DMPK: variants seen among roughly 807,000 people sequenced by gnomAD.
The protein encoded by DMPK is myotonin-protein kinase.
Under a neutral mutation model 70.3 loss-of-function variants are expected in DMPK, and 32 were observed. The observed-to-expected ratio is 0.46, with a 90% CI of 0.34 to 0.61. The LOEUF is 0.61. DMPK is among the 20% of genes least tolerant of loss of function. The pLI, the probability that DMPK is intolerant of heterozygous loss-of-function variation, is 0.01. For missense variants in DMPK, 899 were observed against 886.0 expected (o/e 1.01, Z -0.19); for synonymous variants, 469 against 390.9 (o/e 1.20, Z -2.36).
chr19:45,781,799 AG>A (rs1970136012), intron 1 of DMPK, among the ~76,000 whole-genome samples: 1 of 152,168 alleles, frequency 6.6e-6, no homozygotes, highest in African/African-American at 2.4e-5. Context: ...CCCAGGCCAC[AG>A]GAAACCAGGG....
chr19:45,778,431 T>C, intron 5 of DMPK, 62 bp downstream of exon 5: 8 of 1,587,478 alleles, frequency 5.0e-6, no homozygotes, highest in Non-Finnish European at 6.9e-6. Flanking sequence ...CTCTGGGCTC[T>C]GACCTTCCAA....
chr19:45,771,948 T>G lies in DMPK; in HGVS notation c.1345-20A>C, dbSNP rs372615381. 4 of 1,554,360 alleles carry G rather than the reference T, an allele frequency of 2.6e-6. No homozygotes were observed. Among genetic ancestry groups the G allele is most frequent in the Non-Finnish European group, 8.7e-7 (1 of 1,146,826 alleles). On this transcript the variant is annotated intron_variant, in intron 10 of 14. Coordinates refer to ENST00000291270, the MANE Select transcript of DMPK (RefSeq NM_004409.5). ...TTCAGCCTGTGTATGGGGACCAGGC[T>G]TAAGGCTGCCTGTGGCTCCTGGAAG... is the stretch of plus-strand genomic sequence containing the variant.
chr19:45,780,130 A>G, intron 1 of DMPK: 2 of 1,445,250 alleles, frequency 1.4e-6, no homozygotes, highest in South Asian at 1.5e-5. Flanking sequence ...GGTGTGCAGG[A>G]TGGTTAGGGT....
rs754175256 is a variant in DMPK, at chr19:45,778,583, C to T, written c.491G>A (p.Gly164Glu). 1 of 1,614,020 alleles carries T rather than the reference C, an allele frequency of 6.2e-7. No homozygotes were observed. The highest frequency in any genetic ancestry group is 8.5e-7 in the Non-Finnish European group (1 of 1,180,018). ...GDLLTLLSKFGERIPAEMARF... is the reference protein window; with the variant it reads ...GDLLTLLSKFEERIPAEMARF... ...CGCCATCTCGGCCGGAATCCGCTCC[C>T]CAAACTTGCTCAGCAGTGTCAGCAG... The change falls in exon 5 of 15, where the codon GGG becomes GAG. Residue 164 changes from glycine to glutamate, a missense_variant. Physicochemically the swap from Gly to Glu is moderately conservative, Grantham distance 98 (BLOSUM62 -2). Transcript: ENST00000291270.
intron 1 of DMPK, among the ~76,000 whole-genome samples, chr19:45,781,764 C>A (rs1970133520): frequency 6.6e-6 from 1 of 152,190 alleles, no homozygotes; most frequent in South Asian, 2.1e-4. Context: ...CTGGCAGCTG[C>A]CCCATGCTGG....
At position 45,777,130 on chromosome 19, in the gene DMPK, T is replaced by G. The variant is rs551256079; in HGVS notation, c.1146+197A>C. 819 of 747,220 alleles carry G rather than the reference T, an allele frequency of 1.1e-3. 4 individuals are homozygous for G. Among genetic ancestry groups the G allele is most frequent in the Non-Finnish European group, 1.5e-3 (707 of 485,332 alleles). The allele number at this position is 747,220 out of a possible 1,614,324, so 46.3% of individuals were successfully genotyped here. ...CTGATCACTCTGGGGCCTTACTGTC[T>G]GAAGACTGCTCTGTGTTCCCCCACT... On this transcript the variant is annotated intron_variant, in intron 8 of 14. Transcript: ENST00000291270. This position sits in a 1 kb window ranked among gnomAD's most constrained non-coding sequence, Gnocchi z 6.7.
chr19:45,770,569 G>A lies in DMPK; in HGVS notation c.1809C>T (p.Ala603=), dbSNP rs377648168. ...GGGCCACCAACCCAATGCAGCCCAG[G>A]GCGGCGGCACGAGACAGAACAACGG... ...LFAVVLSRAA[A]LGCIGLVAHA... Residue 603 remains alanine, a synonymous_variant, in exon 15 of 15, where the codon GCC becomes GCT. Coordinates refer to ENST00000291270, the MANE Select transcript of DMPK (RefSeq NM_004409.5). 7.7e-6 allele frequency: 12 copies of A among 1,551,530 alleles called. No homozygotes were observed. Among genetic ancestry groups the A allele is most frequent in the Non-Finnish European group, 9.6e-6 (11 of 1,147,408 alleles).
At position 45,777,900 on chromosome 19, in the gene DMPK, TTGGGCCCACCCCTC is replaced by T. The variant is rs745732334; in HGVS notation, c.676-41_676-28del. ...TGGACCAAAAGGAGCAGAGCGAGGC[TTGGGCCCACCCCTC>T]TGGGCCCACCAGCTCTGGGCCCTCC... On this transcript the variant is annotated intron_variant, in intron 6 of 14. Coordinates refer to ENST00000291270, the MANE Select transcript of DMPK (RefSeq NM_004409.5). This position sits in a 1 kb window ranked among gnomAD's most constrained non-coding sequence, Gnocchi z 6.7. The T allele has an allele frequency of 8.2e-6, 13 of 1,586,694 alleles. No individual in the cohort carries two copies. The highest frequency in any genetic ancestry group is 2.2e-5 in the East Asian group (1 of 44,710).
Position 45,779,517 on chromosome 19 carries a change from C to G in DMPK, c.258G>C (p.Ala86=), listed in dbSNP as rs933249305. ...GGCCCGTCTGCTTCATCTTCACTAC[C>G]GCTACCTGAGGTCGAGATAGTGAGA... is the stretch of plus-strand genomic sequence containing the variant. The part of the protein sequence containing the change: ...VIGRGAFSEV[A]VVKMKQTGQV... The change falls in exon 3 of 15, where the codon GCG becomes GCC. Residue 86 remains alanine, a synonymous_variant. Coordinates refer to ENST00000291270, the MANE Select transcript of DMPK (RefSeq NM_004409.5). 4 of 1,613,804 alleles carry G rather than the reference C, an allele frequency of 2.5e-6. No homozygotes were observed. Among genetic ancestry groups the G allele is most frequent in the Admixed American group, 1.7e-5 (1 of 59,992 alleles).
rs1969228497 is a variant in DMPK, at chr19:45,769,944, G to A, written c.*544C>T. Reference sequence around the variant, plus strand: ...GGGCTCCGAGAGCAGCGCAAGTGAGGAGGGGGGCGCGGGATCCCCGAAAAA... The same window carrying A: ...GGGCTCCGAGAGCAGCGCAAGTGAGAAGGGGGGCGCGGGATCCCCGAAAAA... On this transcript the variant is annotated 3_prime_UTR_variant, in exon 15 of 15. Coordinates refer to ENST00000291270, the MANE Select transcript of DMPK (RefSeq NM_004409.5). 3.2e-6 allele frequency: 1 copy of A among 314,928 alleles called. No individual in the cohort carries two copies. Among genetic ancestry groups the A allele is most frequent in the East Asian group, 7.9e-5 (1 of 12,622 alleles). The allele number at this position is 314,928 out of a possible 1,614,324, so 19.5% of individuals were successfully genotyped here. A position where few individuals can be genotyped will look rare whatever the true frequency, so the allele number is the denominator to read the frequency against.
At chr19:45,774,400 C>T (rs560962451) in intron 9 of DMPK, among the ~76,000 whole-genome samples, 2 of 151,574 alleles carry the variant, frequency 1.3e-5, no homozygotes, top group Admixed American at 6.6e-5. Context: ...TAGCTGGGAC[C>T]GCAAGCGCCC....
In DMPK at chr19:45,778,173, C is replaced by T. The variant is rs372404776; in HGVS notation, c.629G>A (p.Arg210His). Residue 210 changes from arginine (R) to histidine (H), a missense_variant, in exon 6 of 15, where the codon CGC (arginine) becomes CAC (histidine). By Grantham distance (29) the Arg-to-His change is conservative (BLOSUM62 0). This residue lies in a region of DMPK where 195 missense variants were observed against 259.7 expected (regional missense o/e 0.75). Transcript: ENST00000291270. ...NILLDRCGHI[R>H]LADFGSCLKL... ...GAGGCAAGAGCCGAAGTCGGCCAGG[C>T]GGATGTGGCCACAGCGGTCCAGCAG... is the stretch of plus-strand genomic sequence containing the variant. 1.7e-5 allele frequency: 28 copies of T among 1,613,652 alleles called. No homozygotes were observed. Among genetic ancestry groups the T allele is most frequent in the Non-Finnish European group, 2.1e-5 (25 of 1,179,916 alleles).
chr19:45,772,604 T>C (rs1428489378), intron 10 of DMPK, 37 bp downstream of exon 10: 2 of 1,406,174 alleles, frequency 1.4e-6, no homozygotes, highest in East Asian at 2.6e-5. Context: ...TCTCTCCCAA[T>C]TGTCCCTGAC....
Position 45,770,476 on chromosome 19 carries a change from C to T in DMPK, c.*12G>A, listed in dbSNP as rs1482361185. 1.9e-6 allele frequency: 3 copies of T among 1,550,050 alleles called. No homozygotes were observed. The highest frequency in any genetic ancestry group is 2.6e-6 in the Non-Finnish European group (3 of 1,146,788). ...TCCAACGGGGCCCCGGAGTCGAAGA[C>T]AGTTCTAGGGTTCAGGGAGCGCGGG... On this transcript the variant is annotated 3_prime_UTR_variant, in exon 15 of 15. Coordinates refer to ENST00000291270, the MANE Select transcript of DMPK (RefSeq NM_004409.5).
Position 45,779,787 on chromosome 19 carries a change from C to CA in DMPK, c.242_243insT (p.Phe82ValfsTer37). The CA allele has an allele frequency of 6.5e-7, 1 of 1,538,442 alleles. No homozygotes were observed. Among genetic ancestry groups the CA allele is most frequent in the Non-Finnish European group, 8.8e-7 (1 of 1,139,082 alleles). ...GCCCGGTTCGGCTTACCTCGCTGAA[C>CA]GCCCCGCGTCCGATCACCTTCAGAA... On this transcript the variant is annotated frameshift_variant, in exon 2 of 15. Coordinates refer to ENST00000291270, the MANE Select transcript of DMPK (RefSeq NM_004409.5). LOFTEE classifies it high-confidence loss of function.
Position 45,779,812 on chromosome 19 carries a change from A to ATC in DMPK, c.216_217dup (p.Ile73ArgfsTer3). ...CGCCCCGCGTCCGATCACCTTCAGA[A>ATC]TCTCGAAGTCGTCCCTCTGCAGTCG... On this transcript the variant is annotated frameshift_variant, in exon 2 of 15. Coordinates refer to ENST00000291270, the MANE Select transcript of DMPK (RefSeq NM_004409.5). LOFTEE classifies it high-confidence loss of function. 1 of 1,582,010 alleles carries ATC rather than the reference A, an allele frequency of 6.3e-7. No individual in the cohort carries two copies. Among genetic ancestry groups the ATC allele is most frequent in the Non-Finnish European group, 8.6e-7 (1 of 1,162,134 alleles).
chr19:45,780,261 C>T, intron 1 of DMPK: 2 of 1,503,542 alleles, frequency 1.3e-6, no homozygotes, highest in South Asian at 1.3e-5. Context: ...CAGGGCCCCA[C>T]CCCCACGTTC....
At chr19:45,779,617 C>G in intron 2 of DMPK, 95 bp from the exon 3 acceptor site, 1 of 1,565,924 alleles carries the variant, frequency 6.4e-7, no homozygotes, top group South Asian at 1.2e-5. Flanking sequence ...CAGCCGTGGC[C>G]CCGCCCCACC....
At chr19:45,779,142 G>T in intron 4 of DMPK, 122 bp downstream of exon 4, 1 of 996,128 alleles carries the variant, frequency 1.0e-6, no homozygotes, top group Non-Finnish European at 1.6e-6. Flanking sequence ...ACCGCACACA[G>T]ACTTTCCCAC....
Sources: gnomAD v4.1 joint callset for allele counts (sites outside exome capture counted in the v4.1 genomes callset) on GRCh38, gnomAD v4.1.1 for gene constraint, gnomAD v4.1.1 regional missense constraint, Gnocchi (gnomAD v3.1) non-coding constraint, MANE v1.5 for transcripts, NCBI Gene and HGNC (gene_info 2026-07-23, HGNC 2026-07-21) for gene names.